Variants in TBC1D15 observed in about 807,000 individuals in gnomAD.
TBC1D15 encodes GAP for RAB7.
Under a neutral mutation model 95.4 loss-of-function variants are expected in TBC1D15, and 39 were observed. The ratio of observed to expected loss-of-function variants is 0.41; its 90% CI spans 0.32 to 0.53. TBC1D15 has a LOEUF of 0.53. Ranked by LOEUF, TBC1D15 falls within the 20% of genes least tolerant of loss-of-function variation. The probability of loss-of-function intolerance (pLI) is 0.29; values close to 1 mark genes in which losing one functional copy is unlikely to be tolerated. For synonymous variants in TBC1D15, 258 were observed against 261.3 expected (o/e 0.99, Z 0.12); for missense variants, 733 against 794.3 (o/e 0.92, Z 0.93).
At chr12:71,885,835 A>C (rs1049833351) in intron 5 of TBC1D15, among the ~76,000 whole-genome samples, 1 of 152,182 alleles carries the variant, frequency 6.6e-6, no homozygotes, top group African/African-American at 2.4e-5. Flanking sequence ...GGAAGGAGAT[A>C]CTTAGAGGGA....
At chr12:71,892,337 G>T (rs1897327992) in intron 5 of TBC1D15, among the ~76,000 whole-genome samples, 1 of 151,926 alleles carries the variant, frequency 6.6e-6, no homozygotes, top group Non-Finnish European at 1.5e-5. Context: ...ATTGAGAAGG[G>T]ATAACTGTTA....
chr12:71,885,355 T>C (rs1896023615), intron 5 of TBC1D15, among the ~76,000 whole-genome samples: 1 of 152,220 alleles, frequency 6.6e-6, no homozygotes. Context: ...TTCTATTAAA[T>C]ATACAGTTTT....
rs1196218285 is a variant in TBC1D15, at chr12:71,850,503, C to CCTGGGCTCAAGTGA, written c.30+10693_30+10706dup. 8 of 165,250 alleles carry CCTGGGCTCAAGTGA rather than the reference C, an allele frequency of 4.8e-5. 1 individual carries two copies. Among genetic ancestry groups the CCTGGGCTCAAGTGA allele is most frequent in the South Asian group, 1.5e-4 (1 of 6,762 alleles). The allele number at this position is 165,250 out of a possible 1,614,324, so 10.2% of individuals were successfully genotyped here. On this transcript the variant is annotated intron_variant, in intron 1 of 16. Coordinates refer to ENST00000485960, the MANE Select transcript of TBC1D15 (RefSeq NM_001146213.3). ...TCATAGCTCACTACAACCTTGAATTCCTGGGCTCAAGTGATCCTTCCACCT... is the reference window on the plus strand; with the variant it reads ...TCATAGCTCACTACAACCTTGAATTCCTGGGCTCAAGTGACTGGGCTCAAGTGATCCTTCCACCT...
chr12:71,911,068 G>A (rs1206007888), intron 11 of TBC1D15, among the ~76,000 whole-genome samples: 3 of 152,032 alleles, frequency 2.0e-5, no homozygotes, highest in South Asian at 2.1e-4. Context: ...CAAAACCACA[G>A]TGAGATACCA....
intron 1 of TBC1D15, among the ~76,000 whole-genome samples, chr12:71,848,447 G>A (rs534995105): frequency 1.3e-5 from 2 of 152,242 alleles, no homozygotes; most frequent in African/African-American, 4.8e-5. Flanking sequence ...TAATGGTGTT[G>A]AGTATTTTTC....
intron 5 of TBC1D15, among the ~76,000 whole-genome samples, chr12:71,890,429 T>C (rs1897007034): frequency 6.6e-6 from 1 of 151,552 alleles, no homozygotes; most frequent in South Asian, 2.1e-4. Context: ...GAGAATTAGA[T>C]CAGATAACTT....
chr12:71,921,427 A>C lies in TBC1D15; in HGVS notation c.1776A>C (p.Ala592=). The C allele has an allele frequency of 6.4e-7, 1 of 1,569,296 alleles. No individual in the cohort carries two copies. The highest frequency in any genetic ancestry group is 1.2e-5 in the South Asian group (1 of 83,656). ...AAGATATACTCTGCAAGGCAGAAGC[A>C]ATTTCTCTACAGATGGTAAAATGCA... ...DVEDILCKAE[A]ISLQMVKCKE... Residue 592 remains alanine, a synonymous_variant, in exon 16 of 17, where the codon GCA becomes GCC. Coordinates refer to ENST00000485960, the MANE Select transcript of TBC1D15 (RefSeq NM_001146213.3).
chr12:71,843,182 A>G (rs201629213), intron 1 of TBC1D15, among the ~76,000 whole-genome samples: 1 of 152,192 alleles, frequency 6.6e-6, no homozygotes, highest in African/African-American at 2.4e-5. Context: ...TCAGGAGGCT[A>G]AGGCAGGAGA....
chr12:71,888,674 G>A (rs954428613), intron 5 of TBC1D15, among the ~76,000 whole-genome samples: 2 of 152,024 alleles, frequency 1.3e-5, no homozygotes, highest in African/African-American at 2.4e-5. Flanking sequence ...TCTGTTGATA[G>A]GCAGATCTAA....
intron 12 of TBC1D15, among the ~76,000 whole-genome samples, chr12:71,916,040 G>T (rs1025078550): frequency 2.6e-4 from 39 of 152,180 alleles, no homozygotes; most frequent in African/African-American, 8.9e-4. Flanking sequence ...TCTAATGTAG[G>T]TCTAGGCATA....
At chr12:71,898,418 TTAAA>T (rs1898649260) in intron 10 of TBC1D15, among the ~76,000 whole-genome samples, 1 of 152,076 alleles carries the variant, frequency 6.6e-6, no homozygotes, top group Non-Finnish European at 1.5e-5. Context: ...ATTTTTAAAA[TTAAA>T]TAAATGACTC....
intron 1 of TBC1D15, among the ~76,000 whole-genome samples, chr12:71,846,076 C>T (rs1424327605): frequency 6.6e-6 from 1 of 152,012 alleles, no homozygotes; most frequent in African/African-American, 2.4e-5. Context: ...GTTTTTCTGC[C>T]TCATTTTTGC....
At chr12:71,902,779 G>A (rs904333571) in intron 10 of TBC1D15, among the ~76,000 whole-genome samples, 1 of 152,058 alleles carries the variant, frequency 6.6e-6, no homozygotes, top group African/African-American at 2.4e-5. Flanking sequence ...CAATCAACAG[G>A]GTAAACAGAC....
intron 1 of TBC1D15, among the ~76,000 whole-genome samples, chr12:71,843,548 T>TTAAAA (rs1439831952): frequency 6.6e-6 from 1 of 152,156 alleles, no homozygotes; most frequent in East Asian, 1.9e-4. Context: ...ATTTTTAAAT[T>TTAAAA]TTTCTGGCAT....
intron 16 of TBC1D15, among the ~76,000 whole-genome samples, chr12:71,922,032 GT>G (rs1869559252): frequency 6.6e-6 from 1 of 152,148 alleles, no homozygotes; most frequent in Non-Finnish European, 1.5e-5. Flanking sequence ...TCCTGCCTTA[GT>G]TTCCTGAGTA....
intron 1 of TBC1D15, 65 bp from the exon 2 acceptor site, chr12:71,872,005 A>G (rs1892806784): frequency 1.5e-6 from 1 of 658,978 alleles, no homozygotes; most frequent in Admixed American, 3.1e-5. Context: ...ATATCTTAAT[A>G]TTTTAACATG....
In TBC1D15 at chr12:71,896,115, C is replaced by G. The variant is rs771911923; in HGVS notation, c.984+40C>G. 5 of 1,523,576 alleles carry G rather than the reference C, an allele frequency of 3.3e-6. No homozygotes were observed. In the African/African-American group the frequency reaches 5.6e-5, roughly 17 times the overall value. The allele number at this position is 1,523,576 out of a possible 1,614,324, so 94.4% of individuals were successfully genotyped here. ...CTAATATGGCTTGTCTTATAAACTC[C>G]TAGTATTTAGGGGTTTTGTTGTTAT... On this transcript the variant is annotated intron_variant, in intron 8 of 16. Transcript: ENST00000485960.
intron 10 of TBC1D15, among the ~76,000 whole-genome samples, chr12:71,898,242 ATTTTC>A: frequency 6.6e-6 from 1 of 152,028 alleles, no homozygotes; most frequent in Non-Finnish European, 1.5e-5. Flanking sequence ...AAAAAACTTT[ATTTTC>A]TTTTTTATTA....
intron 3 of TBC1D15, among the ~76,000 whole-genome samples, chr12:71,875,701 T>A (rs900462413): frequency 2.6e-5 from 4 of 152,162 alleles, no homozygotes; most frequent in African/African-American, 9.6e-5. Context: ...CAGATTTTTT[T>A]ATTAAATGGT....
Sources: allele counts gnomAD v4.1 joint callset (sites outside exome capture counted in the v4.1 genomes callset), GRCh38; gene constraint gnomAD v4.1.1; transcripts MANE v1.5; gene names NCBI Gene and HGNC (gene_info 2026-07-23, HGNC 2026-07-21).